Variants in SLC22A4 observed in about 807,000 individuals in gnomAD.
SLC22A4 encodes the protein solute carrier family 22 member 4.
SLC22A4 carries 39 observed loss-of-function variants against 56.6 expected under a neutral mutation model. The ratio of observed to expected loss-of-function variants is 0.69; its 90% CI spans 0.53 to 0.90. SLC22A4 has a LOEUF of 0.90. SLC22A4 is among the 40% of genes least tolerant of loss of function. The probability of loss-of-function intolerance (pLI) is 0.00; values close to 1 mark genes in which losing one functional copy is unlikely to be tolerated. For missense variants in SLC22A4, 594 were observed against 696.5 expected (o/e 0.85, Z 1.66); for synonymous variants, 241 against 281.4 (o/e 0.86, Z 1.44).
chr5:132,327,364 C>A lies in SLC22A4; in HGVS notation c.912C>A (p.Asn304Lys). Reference sequence around the variant, plus strand: ...TCATCCAAAAAGCTGCAAAAATGAACAACATAGCTGTACCAGCAGTGATAT... The same window carrying A: ...TCATCCAAAAAGCTGCAAAAATGAAAAACATAGCTGTACCAGCAGTGATAT... ...EDIIQKAAKM[N>K]NIAVPAVIFD... The change falls in exon 5 of 10, where the codon AAC becomes AAA. Residue 304 changes from asparagine to lysine, a missense_variant. Transcript: ENST00000200652. 1 of 1,611,892 alleles carries A rather than the reference C, an allele frequency of 6.2e-7. No individual in the cohort carries two copies. The highest frequency in any genetic ancestry group is 8.5e-7 in the Non-Finnish European group (1 of 1,178,012).
At position 132,335,910 on chromosome 5, in the gene SLC22A4, T is replaced by C. The variant is rs748361558; in HGVS notation, c.1354T>C (p.Tyr452His). 1 of 1,614,098 alleles carries C rather than the reference T, an allele frequency of 6.2e-7. No individual in the cohort carries two copies. The highest frequency in any genetic ancestry group is 1.1e-5 in the South Asian group (1 of 91,088). ...SMLYVFTAEL[Y>H]PTLVRNMAVG... is the part of the protein sequence containing the mutation. ...GCTGTATGTCTTCACTGCTGAGCTC[T>C]ACCCAACCCTGGTCAGGAACATGGC... Residue 452 changes from tyrosine (Y) to histidine (H), a missense_variant, in exon 8 of 10, where the codon TAC becomes CAC. Tyr to His is a moderately conservative substitution (Grantham distance 83). Transcript: ENST00000200652.
chr5:132,343,472 C>T (rs1751280128), intron 9 of SLC22A4, among the ~76,000 whole-genome samples: 1 of 152,202 alleles, frequency 6.6e-6, no homozygotes, highest in Non-Finnish European at 1.5e-5. Context: ...GATAGAACTA[C>T]TTCAGTATCA....
At chr5:132,315,144 C>T (rs1296500781) in intron 3 of SLC22A4, among the ~76,000 whole-genome samples, 2 of 152,214 alleles carry the variant, frequency 1.3e-5, no homozygotes, top group African/African-American at 4.8e-5. Context: ...CTATTGTCTT[C>T]ATGTTCAAAG....
rs11568499 is a variant in SLC22A4, at chr5:132,313,607, T to C, written c.498-7T>C. On this transcript the variant is annotated splice_region_variant and splice_polypyrimidine_tract_variant and intron_variant, in intron 2 of 9. Transcript: ENST00000200652. Reference sequence around the variant, plus strand: ...TCTCATGTTTTGTGTTATACTGCATTCTCTAGGTTTGGCAGGAAGAACGTT... The same window carrying C: ...TCTCATGTTTTGTGTTATACTGCATCCTCTAGGTTTGGCAGGAAGAACGTT... 3.3e-4 allele frequency: 535 copies of C among 1,613,930 alleles called. 3 individuals carry two copies. Among genetic ancestry groups the C allele is most frequent in the Admixed American group, 5.0e-5 (3 of 60,008 alleles).
At chr5:132,295,603 G>A (rs2126695499) in intron 1 of SLC22A4, 1 of 288,212 alleles carries the variant, frequency 3.5e-6, no homozygotes, top group Non-Finnish European at 6.9e-6. Context: ...TGGCCCTCAG[G>A]GACCTCTCTG....
intron 1 of SLC22A4, among the ~76,000 whole-genome samples, chr5:132,301,742 G>A (rs957118803): frequency 2.6e-5 from 4 of 152,190 alleles, no homozygotes; most frequent in Non-Finnish European, 5.9e-5. Flanking sequence ...TTCACATAGC[G>A]GCTCTCAAGG....
At position 132,313,874 on chromosome 5, in the gene SLC22A4, A is replaced by G. The variant is rs1750258200; in HGVS notation, c.652+106A>G. 38 of 1,252,334 alleles carry G rather than the reference A, an allele frequency of 3.0e-5. 1 individual carries two copies. The South Asian group carries it at 4.3e-4, about 14-fold the overall frequency. 77.6% of individuals were successfully genotyped at this position (1,252,334 alleles called of 1,614,324 possible). A position where few individuals can be genotyped will look rare whatever the true frequency, so the allele number is the denominator to read the frequency against. The stretch of plus-strand genomic sequence containing the variant: ...GGCTGTGCTTCCAAAGCCTTTGGAT[A>G]TATGTGTCTTGGGAGGGAGCCGTAG... On this transcript the variant is annotated intron_variant, in intron 3 of 9. Coordinates refer to ENST00000200652, the MANE Select transcript of SLC22A4 (RefSeq NM_003059.3).
At chr5:132,297,266 T>G (rs979275699) in intron 1 of SLC22A4, among the ~76,000 whole-genome samples, 3 of 152,090 alleles carry the variant, frequency 2.0e-5, no homozygotes, top group African/African-American at 7.2e-5. Flanking sequence ...TGCAGTGAGC[T>G]GAGATCACAC....
intron 1 of SLC22A4, among the ~76,000 whole-genome samples, chr5:132,299,397 TTA>T (rs1491060152): frequency 3.8e-3 from 7 of 1,848 alleles, no homozygotes; most frequent in African/African-American, 0.013. Context: ...ATTTTTCGTT[TTA>T]TTTTATTTTA....
intron 3 of SLC22A4, among the ~76,000 whole-genome samples, chr5:132,315,353 A>G (rs1280478333): frequency 2.0e-5 from 3 of 152,072 alleles, no homozygotes; most frequent in Non-Finnish European, 2.9e-5. Flanking sequence ...GAAGCCAGAG[A>G]AGCTCTCTCC....
At chr5:132,325,572 T>C (rs1245945173) in intron 4 of SLC22A4, among the ~76,000 whole-genome samples, 3 of 152,220 alleles carry the variant, frequency 2.0e-5, no homozygotes, top group Non-Finnish European at 4.4e-5. Context: ...GGTTGGTCAT[T>C]TGTTTTGCTC....
intron 3 of SLC22A4, among the ~76,000 whole-genome samples, chr5:132,314,763 T>C (rs1033741480): frequency 4.6e-5 from 7 of 152,242 alleles, no homozygotes; most frequent in Non-Finnish European, 8.8e-5. Flanking sequence ...ATTGATGGTG[T>C]GTACACCTTC....
chr5:132,302,234 A>G lies in SLC22A4; in HGVS notation c.393+7225A>G, dbSNP rs185201000. Among the ~76,000 whole-genome samples, 3 of 152,044 alleles carry G rather than the reference A, an allele frequency of 2.0e-5. No homozygotes were observed. The East Asian group carries it at 5.8e-4, about 29-fold the overall frequency. On this transcript the variant is annotated intron_variant, in intron 1 of 9. Coordinates refer to ENST00000200652, the MANE Select transcript of SLC22A4 (RefSeq NM_003059.3). ...CACCTCCTGCCAAGTTTCTGGATAA[A>G]CAGACTTTGTCCATCCCTCTTGGTG...
chr5:132,309,376 G>A (rs930179576), intron 1 of SLC22A4, among the ~76,000 whole-genome samples: 7 of 152,240 alleles, frequency 4.6e-5, no homozygotes, highest in African/African-American at 1.7e-4. Flanking sequence ...GGTCTCCAAA[G>A]GCAGATGGCA....
intron 3 of SLC22A4, among the ~76,000 whole-genome samples, chr5:132,316,197 G>A (rs1750350923): frequency 6.6e-6 from 1 of 152,192 alleles, no homozygotes; most frequent in Non-Finnish European, 1.5e-5. Flanking sequence ...TACTCCCACT[G>A]TCAAAGTAGT....
rs2126739035 is a variant in SLC22A4 at position 132,335,930 on chromosome 5, C to T, written c.1374C>T (p.Asn458=). The T allele has an allele frequency of 6.2e-7, 1 of 1,614,214 alleles. No individual in the cohort carries two copies. Among genetic ancestry groups the T allele is most frequent in the East Asian group, 2.2e-5 (1 of 44,882 alleles). The part of the protein sequence containing the change: ...TAELYPTLVR[N]MAVGVTSTAS... ...AGCTCTACCCAACCCTGGTCAGGAA[C>T]ATGGCGGTGGGGGTCACATCCACGG... The change falls in exon 8 of 10, where the codon AAC becomes AAT. Residue 458 remains asparagine, a synonymous_variant. Transcript: ENST00000200652.
intron 4 of SLC22A4, among the ~76,000 whole-genome samples, chr5:132,326,776 G>T (rs1750702949): frequency 6.6e-6 from 1 of 152,230 alleles, no homozygotes; most frequent in African/African-American, 2.4e-5. Flanking sequence ...GCGGGTGTCA[G>T]TGCCCTCACT....
intron 8 of SLC22A4, 116 bp downstream of exon 8, chr5:132,336,116 C>A: frequency 9.7e-7 from 1 of 1,032,914 alleles, no homozygotes; most frequent in Non-Finnish European, 1.5e-6. Context: ...AGTACAAGTT[C>A]ACCTCTCCTC....
At chr5:132,308,861 C>T (rs1327419112) in intron 1 of SLC22A4, among the ~76,000 whole-genome samples, 2 of 152,334 alleles carry the variant, frequency 1.3e-5, no homozygotes, top group South Asian at 2.1e-4. Flanking sequence ...CTTGAAAGCA[C>T]ACCCCCAAAG....
Sources: gnomAD v4.1 joint callset for allele counts (sites outside exome capture counted in the v4.1 genomes callset) on GRCh38, gnomAD v4.1.1 for gene constraint, MANE v1.5 for transcripts, NCBI Gene and HGNC (gene_info 2026-07-23, HGNC 2026-07-21) for gene names.